The following ANXA8 variants were observed in gnomAD, a reference collection of about 807,000 sequenced individuals.
ANXA8 encodes the protein annexin A8.
Under a neutral mutation model 26.8 loss-of-function variants are expected in ANXA8, and 9 were observed. The observed-to-expected ratio is 0.34, with a 90% CI of 0.20 to 0.59. ANXA8 has a LOEUF of 0.59. Among genes scored for constraint, ANXA8 ranks in the 20% least tolerant of loss-of-function variants. ANXA8 has a pLI of 0.84. For synonymous variants in ANXA8, 39 were observed against 94.8 expected (o/e 0.41, Z 3.42); for missense variants, 83 against 238.5 (o/e 0.35, Z 4.29).
the ANXA8 span, among the ~76,000 whole-genome samples, chr10:47,716,356 A>G: frequency 1.0e-5 from 1 of 95,662 alleles, no homozygotes; most frequent in Non-Finnish European, 2.0e-5. Context: ...CCAGGGACAA[A>G]GAGCAAATAC....
At chr10:47,510,935 AATTTATTTATTT>A in the ANXA8 span, among the ~76,000 whole-genome samples, 3 of 113,506 alleles carry the variant, frequency 2.6e-5, no homozygotes, top group African/African-American at 6.7e-5. Flanking sequence ...TTAATTAATT[AATTTATTTATTT>A]ATTTATTTAT....
At chr10:47,469,511 G>A (rs1286062873) in intron 11 of ANXA8, among the ~76,000 whole-genome samples, 1,822 of 151,564 alleles carry the variant, frequency 0.012, 29 homozygotes, top group African/African-American at 0.042. Flanking sequence ...GGCTCACATC[G>A]GGTCCACAGT....
At chr10:47,496,044 A>T in the ANXA8 span, among the ~76,000 whole-genome samples, 2 of 151,458 alleles carry the variant, frequency 1.3e-5, no homozygotes, top group African/African-American at 2.4e-5. Flanking sequence ...GTATCTGGGA[A>T]AGGAGGCTGG....
At chr10:47,699,643 A>C in the ANXA8 span, among the ~76,000 whole-genome samples, 3 of 151,436 alleles carry the variant, frequency 2.0e-5, no homozygotes, top group Non-Finnish European at 4.4e-5. Flanking sequence ...CCTGGGCTAC[A>C]AAAAAGAAAA....
At chr10:47,658,123 C>T in the ANXA8 span, among the ~76,000 whole-genome samples, 1 of 151,908 alleles carries the variant, frequency 6.6e-6, no homozygotes, top group Non-Finnish European at 1.5e-5. Context: ...GTAATCCCAG[C>T]ACTTTGGAGG....
the ANXA8 span, among the ~76,000 whole-genome samples, chr10:47,968,751 A>G: frequency 6.6e-6 from 1 of 151,082 alleles, no homozygotes; most frequent in Non-Finnish European, 1.5e-5. Context: ...CAAAAGTTAC[A>G]AAGGCAAAGC....
At chr10:47,969,374 A>G in the ANXA8 span, among the ~76,000 whole-genome samples, 1 of 151,080 alleles carries the variant, frequency 6.6e-6, no homozygotes, top group East Asian at 1.9e-4. Flanking sequence ...AAATTTCCAC[A>G]AATTTATGAT....
the ANXA8 span, among the ~76,000 whole-genome samples, chr10:47,778,899 T>TTATGATATGATATGATATGA: frequency 2.1e-5 from 3 of 145,740 alleles, no homozygotes; most frequent in Non-Finnish European, 3.0e-5. Flanking sequence ...TCTGCCTACA[T>TTATGATATGATATGATATGA]TATGATATGA....
chr10:47,943,848 C>T, the ANXA8 span, among the ~76,000 whole-genome samples: 5 of 147,978 alleles, frequency 3.4e-5, 1 homozygote, highest in Non-Finnish European at 7.4e-5. Context: ...TCTCATGTGG[C>T]AGGTGTGCTC....
At chr10:47,718,241 A>G in the ANXA8 span, among the ~76,000 whole-genome samples, 234 of 151,140 alleles carry the variant, frequency 1.5e-3, no homozygotes, top group African/African-American at 5.4e-3. Context: ...GAGGCCAAGA[A>G]GAGTGGATCA....
the ANXA8 span, among the ~76,000 whole-genome samples, chr10:47,525,445 G>A: frequency 7.1e-6 from 1 of 141,114 alleles, no homozygotes; most frequent in Non-Finnish European, 1.5e-5. Flanking sequence ...GATCTCATGA[G>A]GACTTACTGA....
the ANXA8 span, among the ~76,000 whole-genome samples, chr10:47,950,499 A>G: frequency 1.3e-5 from 2 of 151,118 alleles, no homozygotes; most frequent in South Asian, 2.1e-4. Context: ...CAATAAATCA[A>G]TCAACGCAAT....
At chr10:47,488,766 C>T (rs1301372049), upstream of ANXA8, among the ~76,000 whole-genome samples, 9 of 115,018 alleles carry the variant, frequency 7.8e-5, no homozygotes, top group East Asian at 8.1e-4. Context: ...ATCACACTGT[C>T]GCCCAGGCTG....
chr10:47,942,176 C>T, the ANXA8 span, among the ~76,000 whole-genome samples: 5 of 146,446 alleles, frequency 3.4e-5, 1 homozygote, highest in African/African-American at 1.3e-4. Flanking sequence ...TTTTATATTC[C>T]TTAAATTTAA....
At chr10:47,565,877 C>T in the ANXA8 span, 3,609 of 1,361,898 alleles carry the variant, frequency 2.6e-3, 29 homozygotes, top group African/African-American at 0.043. Context: ...CGAGCTGGCC[C>T]CGGATTCGCA....
chr10:47,526,115 T>A, the ANXA8 span, among the ~76,000 whole-genome samples: 8 of 134,022 alleles, frequency 6.0e-5, 1 homozygote, highest in African/African-American at 8.5e-5. Context: ...TTTTTATTTT[T>A]TTTTTTTTTG....
the ANXA8 span, among the ~76,000 whole-genome samples, chr10:47,977,282 C>T: frequency 6.8e-6 from 1 of 146,178 alleles, no homozygotes; most frequent in Non-Finnish European, 1.5e-5. Context: ...AACAGAGAAA[C>T]AGCAGCATCG....
chr10:47,618,018 G>C, the ANXA8 span, among the ~76,000 whole-genome samples: 1 of 111,748 alleles, frequency 8.9e-6, no homozygotes, highest in Non-Finnish European at 2.0e-5. Context: ...AACTTCATGT[G>C]GTTTAAGAGA....
At chr10:47,489,891 C>T in the ANXA8 span, among the ~76,000 whole-genome samples, 2 of 149,452 alleles carry the variant, frequency 1.3e-5, no homozygotes, top group African/African-American at 5.0e-5. Flanking sequence ...GACAGACTGA[C>T]TCATGAGAAG....
Sources: gnomAD v4.1 joint callset for allele counts (sites outside exome capture counted in the v4.1 genomes callset) on GRCh38, gnomAD v4.1.1 for gene constraint, MANE v1.5 for transcripts, NCBI Gene and HGNC (gene_info 2026-07-23, HGNC 2026-07-21) for gene names.